Variants in MYRIP observed in about 807,000 individuals in gnomAD.
The protein encoded by MYRIP is rab effector MyRIP.
A neutral mutation model predicts 98.0 loss-of-function variants in MYRIP; 49 were observed. The ratio of observed to expected loss-of-function variants is 0.50; its 90% CI spans 0.40 to 0.63. The LOEUF is 0.63. MYRIP is among the 30% of genes least tolerant of loss of function. The pLI is 0.00. For missense variants in MYRIP, 1,004 were observed against 1,058.2 expected (o/e 0.95, Z 0.71); for synonymous variants, 404 against 409.5 (o/e 0.99, Z 0.16).
intron 2 of MYRIP, among the ~76,000 whole-genome samples, chr3:40,037,560 A>G (rs1947410499): frequency 6.6e-6 from 1 of 152,004 alleles, no homozygotes; most frequent in Non-Finnish European, 1.5e-5. Flanking sequence ...ATCTTTCAGG[A>G]TACATATCCC....
chr3:40,222,851 A>T (rs945810807), intron 11 of MYRIP, among the ~76,000 whole-genome samples: 4 of 152,254 alleles, frequency 2.6e-5, no homozygotes, highest in African/African-American at 4.8e-5. Context: ...CAAAGAAAAT[A>T]TTCCTACCAG....
At chr3:39,932,807 G>A (rs1332009492) in intron 2 of MYRIP, among the ~76,000 whole-genome samples, 1 of 151,978 alleles carries the variant, frequency 6.6e-6, no homozygotes, top group Non-Finnish European at 1.5e-5. Context: ...CTACCTTTAG[G>A]GTATATGTCT....
intron 3 of MYRIP, among the ~76,000 whole-genome samples, chr3:40,087,737 A>T (rs922353503): frequency 1.3e-5 from 2 of 152,220 alleles, no homozygotes; most frequent in Admixed American, 6.5e-5. Context: ...GCACACAGAG[A>T]GCTCTCTGGA....
chr3:40,194,106 C>A (rs144116174), intron 10 of MYRIP, among the ~76,000 whole-genome samples: 222 of 151,852 alleles, frequency 1.5e-3, no homozygotes, highest in Middle Eastern at 6.8e-3. Flanking sequence ...CAGTTATTTC[C>A]TTTATTATTT....
chr3:39,924,073 C>T (rs983144146), intron 2 of MYRIP, among the ~76,000 whole-genome samples: 7 of 151,964 alleles, frequency 4.6e-5, no homozygotes, highest in African/African-American at 1.7e-4. Context: ...GACAAGTAAT[C>T]TACAGGAAGT....
At chr3:39,885,952 G>A (rs796317899) in intron 1 of MYRIP, among the ~76,000 whole-genome samples, 90 of 151,886 alleles carry the variant, frequency 5.9e-4, no homozygotes, top group Middle Eastern at 3.4e-3. Context: ...ATGTCCTCCC[G>A]TAGCTGGGAG....
chr3:39,995,353 G>C (rs1368697577), intron 2 of MYRIP, among the ~76,000 whole-genome samples: 1 of 152,172 alleles, frequency 6.6e-6, no homozygotes, highest in Non-Finnish European at 1.5e-5. Context: ...GGACCTGATG[G>C]AGCTGAAAAC....
Position 39,954,661 on chromosome 3 carries a change from C to T in MYRIP, c.110+53735C>T, listed in dbSNP as rs377552240. The stretch of plus-strand genomic sequence containing the variant: ...TTGCCAGCAACGGAGCAAAGCTGGA[C>T]GGGGAATGCTTCTGACGAGTTGACA... On this transcript the variant is annotated intron_variant, in intron 2 of 16. Transcript: ENST00000302541. 3.2e-4 allele frequency among the ~76,000 whole-genome samples: 49 copies of T among 152,174 alleles called. 3 individuals are homozygous for T. The highest frequency in any genetic ancestry group is 1.0e-3 in the African/African-American group (43 of 41,522).
intron 2 of MYRIP, among the ~76,000 whole-genome samples, chr3:40,001,708 G>A (rs545185086): frequency 6.6e-6 from 1 of 152,286 alleles, no homozygotes; most frequent in South Asian, 2.1e-4. Context: ...ACTTATATTA[G>A]CATTCCTGAA....
intron 1 of MYRIP, among the ~76,000 whole-genome samples, chr3:39,885,843 TC>T (rs1416988233): frequency 6.6e-6 from 1 of 152,118 alleles, no homozygotes; most frequent in African/African-American, 2.4e-5. Context: ...GGTTTTCAGC[TC>T]CATCAGCTCC....
intron 2 of MYRIP, among the ~76,000 whole-genome samples, chr3:40,039,529 C>G (rs765770520): frequency 2.0e-5 from 3 of 151,880 alleles, no homozygotes; most frequent in Non-Finnish European, 4.4e-5. Flanking sequence ...GGATCTCAAG[C>G]AGATATTTTG....
intron 11 of MYRIP, among the ~76,000 whole-genome samples, chr3:40,221,171 A>G (rs114459390): frequency 3.3e-3 from 504 of 152,218 alleles, no homozygotes; most frequent in African/African-American, 0.012. Flanking sequence ...CCATATGGTT[A>G]GCACATTCAT....
intron 3 of MYRIP, among the ~76,000 whole-genome samples, chr3:40,045,016 T>C (rs187914986): frequency 6.6e-6 from 1 of 152,306 alleles, no homozygotes; most frequent in Admixed American, 6.5e-5. Flanking sequence ...GATCCTAGCA[T>C]CTGTAGTGTG....
intron 1 of MYRIP, among the ~76,000 whole-genome samples, chr3:39,845,327 C>CA (rs1488928304): frequency 3.3e-5 from 5 of 152,232 alleles, no homozygotes; most frequent in Admixed American, 1.3e-4. Context: ...AGTTCAGTGG[C>CA]AGCTGGTTTG....
chr3:40,019,755 G>GTT (rs370631440), intron 2 of MYRIP, among the ~76,000 whole-genome samples: 21 of 141,662 alleles, frequency 1.5e-4, no homozygotes, highest in South Asian at 4.9e-4. Context: ...CATAAAATGT[G>GTT]TTTTTTTTTT....
intron 10 of MYRIP, among the ~76,000 whole-genome samples, chr3:40,196,349 A>G (rs1488084476): frequency 6.6e-6 from 1 of 152,132 alleles, no homozygotes; most frequent in Admixed American, 6.5e-5. Context: ...TATTTCCAAT[A>G]TAGCTAATGA....
In MYRIP at chr3:39,809,616, C is replaced by T. The variant is rs1394892706; in HGVS notation, c.-331C>T. On this transcript the variant is annotated 5_prime_UTR_variant, in exon 1 of 17. Coordinates refer to ENST00000302541, the MANE Select transcript of MYRIP (RefSeq NM_015460.4). ...TCGGCGGTGGCTGCGGCCAGGCTGG[C>T]CCTGGCTGCCTGCGGCGCGGGCGCC... The T allele has an allele frequency of 1.3e-5, 2 of 151,564 alleles. No homozygotes were observed. The allele number at this position is 151,564 out of a possible 1,614,324, so 9.4% of individuals were successfully genotyped here.
intron 1 of MYRIP, among the ~76,000 whole-genome samples, chr3:39,821,373 A>G (rs567306768): frequency 2.7e-5 from 4 of 150,528 alleles, no homozygotes; most frequent in South Asian, 2.2e-4. Flanking sequence ...CTTTTGGCCA[A>G]TCTCACCAGA....
intron 13 of MYRIP, 54 bp from the exon 14 acceptor site, chr3:40,250,168 A>G (rs1953328047): frequency 7.1e-7 from 1 of 1,401,346 alleles, no homozygotes; most frequent in Non-Finnish European, 1.0e-6. Flanking sequence ...TTTAAGAAAT[A>G]TTTTCCCCTT....
Sources: gnomAD v4.1 joint callset for allele counts (sites outside exome capture counted in the v4.1 genomes callset) on GRCh38, gnomAD v4.1.1 for gene constraint, MANE v1.5 for transcripts, NCBI Gene and HGNC (gene_info 2026-07-23, HGNC 2026-07-21) for gene names.